Variants in SLC35F5 observed in about 807,000 individuals in gnomAD.
SLC35F5 encodes HCV NS5A-transactivated protein 3.
A neutral mutation model predicts 68.6 loss-of-function variants in SLC35F5; 54 were observed. The ratio of observed to expected loss-of-function variants is 0.79; its 90% CI spans 0.63 to 0.99. The LOEUF is 0.99. Among genes scored for constraint, SLC35F5 ranks in the 50% least tolerant of loss-of-function variants. SLC35F5 has a pLI of 0.00. For synonymous variants in SLC35F5, 211 were observed against 205.2 expected (o/e 1.03, Z -0.24); for missense variants, 567 against 626.9 (o/e 0.90, Z 1.02).
rs1349259938 is a variant in SLC35F5, at chr2:113,709,376, T to C, written c.*5842A>G. ...AATTAAACTTTTAGAATCACAGCAT[T>C]TTACACCTGAGAGGAATCTTAAAAG... is the stretch of plus-strand genomic sequence containing the variant. On this transcript the variant is annotated 3_prime_UTR_variant, in exon 16 of 16. Transcript: ENST00000245680. 6.6e-6 allele frequency among the ~76,000 whole-genome samples: 1 copy of C among 152,210 alleles called. No homozygotes were observed. Among genetic ancestry groups the C allele is most frequent in the Admixed American group, 6.5e-5 (1 of 15,286 alleles).
intron 3 of SLC35F5, among the ~76,000 whole-genome samples, chr2:113,753,685 T>C (rs1272163663): frequency 6.6e-6 from 1 of 152,218 alleles, no homozygotes; most frequent in African/African-American, 2.4e-5. Context: ...TTTCGATATA[T>C]GTATACATTG....
chr2:113,718,010 G>A (rs1245266133), intron 14 of SLC35F5, among the ~76,000 whole-genome samples, 160 bp from the exon 15 acceptor site: 6 of 152,090 alleles, frequency 3.9e-5, no homozygotes, highest in African/African-American at 1.4e-4. Context: ...CCAAGTTAGC[G>A]TTTTTTGTTT....
chr2:113,745,150 A>G (rs1412156739), intron 5 of SLC35F5, among the ~76,000 whole-genome samples: 1 of 152,210 alleles, frequency 6.6e-6, no homozygotes, highest in Non-Finnish European at 1.5e-5. Flanking sequence ...CATCTTACAG[A>G]TAATAGTAAG....
At chr2:113,751,639 G>A (rs962278395) in intron 3 of SLC35F5, among the ~76,000 whole-genome samples, 2 of 151,758 alleles carry the variant, frequency 1.3e-5, no homozygotes, top group African/African-American at 4.8e-5. Flanking sequence ...GCGAAACCCT[G>A]TCTCTACAAA....
downstream of SLC35F5, among the ~76,000 whole-genome samples, chr2:113,704,704 G>T (rs1023317754): frequency 1.3e-5 from 2 of 151,746 alleles, no homozygotes; most frequent in Non-Finnish European, 2.9e-5. Context: ...TCCGAGTGCG[G>T]GGCCCGCCGA....
In SLC35F5 at chr2:113,716,876, G is replaced by GGTT. The variant is rs1687202375; in HGVS notation, c.*22+874_*22+876dup. On this transcript the variant is annotated intron_variant, in intron 15 of 15. Transcript: ENST00000245680. ...CAGAAAACCAGGACCATTAGCTGTA[G>GGTT]GTTAGAAGCAAGTTTACCAGGAGGA... Among the ~76,000 whole-genome samples, 4 of 152,146 alleles carry GGTT rather than the reference G, an allele frequency of 2.6e-5. No individual in the cohort carries two copies. The South Asian group carries it at 6.2e-4, about 24-fold the overall frequency.
rs1686851167 is a variant in SLC35F5 at position 113,708,091 on chromosome 2, C to T, written c.*7127G>A. Reference sequence around the variant, plus strand: ...CCAAGGAAATTCCTCCCACCCATGCCACCAGTGCTCATCCTGTGGGCACCC... The same window carrying T: ...CCAAGGAAATTCCTCCCACCCATGCTACCAGTGCTCATCCTGTGGGCACCC... On this transcript the variant is annotated 3_prime_UTR_variant, in exon 16 of 16. Coordinates refer to ENST00000245680, the MANE Select transcript of SLC35F5 (RefSeq NM_025181.5). Among the ~76,000 whole-genome samples, 1 of 152,142 alleles carries T rather than the reference C, an allele frequency of 6.6e-6. No individual in the cohort carries two copies. Among genetic ancestry groups the T allele is most frequent in the Non-Finnish European group, 1.5e-5 (1 of 68,028 alleles).
rs1418505030 is a variant in SLC35F5, at chr2:113,714,276, ATCTAGT to A, written c.*936_*941del. 1.3e-5 allele frequency: 2 copies of A among 152,164 alleles called. No homozygotes were observed. The highest frequency in any genetic ancestry group is 2.9e-5 in the Non-Finnish European group (2 of 67,978). The allele number at this position is 152,164 out of a possible 1,614,324, so 9.4% of individuals were successfully genotyped here. ...AACTAAAATTATTTAAAGAAGAGAC[ATCTAGT>A]TCTAGAGTAATCTGGCACATTCATA... On this transcript the variant is annotated 3_prime_UTR_variant, in exon 16 of 16. Transcript: ENST00000245680.
At chr2:113,730,252 T>G (rs967886273) in intron 10 of SLC35F5, among the ~76,000 whole-genome samples, 3 of 152,244 alleles carry the variant, frequency 2.0e-5, no homozygotes, top group African/African-American at 7.2e-5. Flanking sequence ...TTCTCTTTAT[T>G]AACTCTCAAA....
intron 13 of SLC35F5, among the ~76,000 whole-genome samples, chr2:113,722,763 AG>A (rs778903885): frequency 3.5e-4 from 54 of 152,312 alleles, no homozygotes; most frequent in Non-Finnish European, 7.1e-4. Flanking sequence ...AGTGTTAAGG[AG>A]CCTGTGATAG....
intron 7 of SLC35F5, among the ~76,000 whole-genome samples, chr2:113,740,441 T>G (rs1676216127): frequency 6.6e-6 from 1 of 152,222 alleles, no homozygotes; most frequent in South Asian, 2.1e-4. Flanking sequence ...AATTGTTATG[T>G]AATAACACTA....
intron 13 of SLC35F5, among the ~76,000 whole-genome samples, chr2:113,720,907 T>G (rs531774604): frequency 4.3e-4 from 66 of 152,306 alleles, no homozygotes; most frequent in Non-Finnish European, 7.5e-4. Context: ...AAAAAACTTC[T>G]AATTTGATTT....
At chr2:113,731,734 G>A (rs767128709) in intron 9 of SLC35F5, 86 bp from the exon 10 acceptor site, 154 of 1,041,258 alleles carry the variant, frequency 1.5e-4, no homozygotes, top group Non-Finnish European at 2.2e-4. Flanking sequence ...AAGTGATCAA[G>A]ACTAATCTCA....
At chr2:113,750,627 C>T in intron 3 of SLC35F5, 59 bp from the exon 4 acceptor site, 1 of 1,388,718 alleles carries the variant, frequency 7.2e-7, no homozygotes, top group East Asian at 2.6e-5. Context: ...TATTACTCAT[C>T]TCCAAAATAA....
At position 113,733,829 on chromosome 2, in the gene SLC35F5, C is replaced by G. The variant is rs1279404151; in HGVS notation, c.920+757G>C. On this transcript the variant is annotated intron_variant, in intron 9 of 15. Coordinates refer to ENST00000245680, the MANE Select transcript of SLC35F5 (RefSeq NM_025181.5). ...AACTGCCCCAGGGCAAACAGCAGAG[C>G]TCTTATTCAATCTCAGCTTTGATAA... Among the ~76,000 whole-genome samples, 2 of 152,232 alleles carry G rather than the reference C, an allele frequency of 1.3e-5. 1 individual carries two copies. The highest frequency in any genetic ancestry group is 4.1e-4 in the South Asian group (2 of 4,836).
At position 113,735,805 on chromosome 2, in the gene SLC35F5, A is replaced by G; in HGVS notation, c.804T>C (p.Ala268=). The G allele has an allele frequency of 6.2e-7, 1 of 1,608,050 alleles. No individual in the cohort carries two copies. The highest frequency in any genetic ancestry group is 8.5e-7 in the Non-Finnish European group (1 of 1,177,860). Residue 268 remains alanine (A), a synonymous_variant, in exon 8 of 16, where the codon GCT becomes GCC. Transcript: ENST00000245680. Reference sequence around the variant, plus strand: ...AAGTTGAAGATAAAATATTAACTATAGCAACTTGTGTGTCTGAAAGTGCTT... The same window carrying G: ...AAGTTGAAGATAAAATATTAACTATGGCAACTTGTGTGTCTGAAAGTGCTT... The part of the protein sequence containing the change: ...YQEALSDTQV[A]IVNILSSTSG...
chr2:113,717,735 C>T lies in SLC35F5; in HGVS notation c.*22+18G>A. The T allele has an allele frequency of 6.6e-7, 1 of 1,517,390 alleles. No individual in the cohort carries two copies. The highest frequency in any genetic ancestry group is 9.0e-7 in the Non-Finnish European group (1 of 1,107,830). The allele number at this position is 1,517,390 out of a possible 1,614,324, so 94.0% of individuals were successfully genotyped here. ...GATAAGAACCTTATTCAATACTAAACCCAGCTCACATACAAACCTGGGCTA... is the reference window on the plus strand; with the variant it reads ...GATAAGAACCTTATTCAATACTAAATCCAGCTCACATACAAACCTGGGCTA... On this transcript the variant is annotated intron_variant, in intron 15 of 15. Transcript: ENST00000245680.
intron 10 of SLC35F5, among the ~76,000 whole-genome samples, chr2:113,731,191 A>C (rs1477270777): frequency 6.6e-6 from 1 of 152,200 alleles, no homozygotes; most frequent in Non-Finnish European, 1.5e-5. Context: ...AAAAGACAAG[A>C]AGACTGAGGA....
chr2:113,750,965 C>A (rs551633282), intron 3 of SLC35F5, among the ~76,000 whole-genome samples: 23 of 152,278 alleles, frequency 1.5e-4, no homozygotes, highest in African/African-American at 5.3e-4. Context: ...GGCAACATGG[C>A]AAAACTCCGT....
Sources: gnomAD v4.1 joint callset for allele counts (sites outside exome capture counted in the v4.1 genomes callset) on GRCh38, gnomAD v4.1.1 for gene constraint, MANE v1.5 for transcripts, NCBI Gene and HGNC (gene_info 2026-07-23, HGNC 2026-07-21) for gene names.